Variants in DHRS4L2 observed in about 807,000 individuals in gnomAD.
The protein encoded by DHRS4L2 is dehydrogenase/reductase 4 like 2.
A neutral mutation model predicts 23.9 loss-of-function variants in DHRS4L2; 22 were observed. The ratio of observed to expected loss-of-function variants is 0.92; its 90% CI spans 0.66 to 1.31. The LOEUF is 1.31. Among genes scored for constraint, DHRS4L2 ranks in the 40% most tolerant of loss-of-function variants. The pLI, the probability that DHRS4L2 is intolerant of heterozygous loss-of-function variation, is 0.00. For missense variants in DHRS4L2, 385 were observed against 303.3 expected (o/e 1.27, Z -2.00); for synonymous variants, 141 against 123.7 (o/e 1.14, Z -0.93).
At chr14:23,971,215 A>G (rs779047186) in intron 1 of DHRS4L2, among the ~76,000 whole-genome samples, 1 of 152,058 alleles carries the variant, frequency 6.6e-6, no homozygotes, top group African/African-American at 2.4e-5. Context: ...AGCTAAAGGA[A>G]CATGTTCTAA....
intron 3 of DHRS4L2, among the ~76,000 whole-genome samples, chr14:23,999,010 T>C (rs568677101): frequency 1.3e-5 from 2 of 149,720 alleles, no homozygotes; most frequent in East Asian, 3.9e-4. Context: ...ATTGTAGGGT[T>C]AATAGTTGGC....
rs754193813 is a variant in DHRS4L2, at chr14:23,990,244, G to A, written c.191G>A (p.Arg64Gln). Reference sequence around the variant, plus strand: ...AGGGCCCACGTGGTCGTCAGCAGCCGGAAGCAGCAGAATGTGGACCAGGCG... The same window carrying A: ...AGGGCCCACGTGGTCGTCAGCAGCCAGAAGCAGCAGAATGTGGACCAGGCG... ...QDRAHVVVSS[R>Q]KQQNVDQAVA... The change falls in exon 2 of 8, where the codon CGG becomes CAG. Residue 64 changes from arginine to glutamine, a missense_variant. By Grantham distance (43) the Arg-to-Gln change is conservative. Transcript: ENST00000335125. 6.8e-6 allele frequency: 11 copies of A among 1,612,728 alleles called. 1 individual carries two copies. The highest frequency in any genetic ancestry group is 2.2e-5 in the East Asian group (1 of 44,886).
At chr14:23,988,360 G>A (rs1186412073), upstream of DHRS4L2, among the ~76,000 whole-genome samples, 10 of 148,118 alleles carry the variant, frequency 6.8e-5, 2 homozygotes, top group Admixed American at 6.9e-4. Flanking sequence ...GGCCCGTGAA[G>A]ATGGAAGAGA....
chr14:24,001,589 A>G (rs1358189786), intron 6 of DHRS4L2, 72 bp downstream of exon 6: 1 of 1,565,952 alleles, frequency 6.4e-7, no homozygotes, highest in Non-Finnish European at 8.6e-7. Flanking sequence ...AGGGAAGCCC[A>G]CTACCTGAGT....
At position 24,006,109 on chromosome 14, in the gene DHRS4L2, C is replaced by A. The variant is rs75949238; in HGVS notation, c.*246C>A. ...CTGCTCACCTTACTGTTCACCTCAT[C>A]AAATCAGTTCTGCCCTGTGAAAAGA... On this transcript the variant is annotated 3_prime_UTR_variant, in exon 8 of 8. Coordinates refer to ENST00000335125, the MANE Select transcript of DHRS4L2 (RefSeq NM_198083.4). The A allele has an allele frequency of 0.068, 89,699 of 1,323,354 alleles. 5,562 individuals are homozygous for A. Among genetic ancestry groups the A allele is most frequent in the African/African-American group, 0.32 (20,819 of 64,500 alleles). 82.0% of individuals were successfully genotyped at this position (1,323,354 alleles called of 1,614,324 possible).
chr14:23,992,684 C>G (rs1212158769), intron 2 of DHRS4L2, among the ~76,000 whole-genome samples: 2 of 151,330 alleles, frequency 1.3e-5, no homozygotes, highest in Non-Finnish European at 2.9e-5. Context: ...ACTTAGAAGA[C>G]TTTCTTTTAT....
chr14:23,981,085 A>G (rs566153102), intron 1 of DHRS4L2, among the ~76,000 whole-genome samples: 1 of 151,798 alleles, frequency 6.6e-6, no homozygotes, highest in Non-Finnish European at 1.5e-5. Context: ...AATCTCCTTA[A>G]GCTGATAAGC....
intron 1 of DHRS4L2, among the ~76,000 whole-genome samples, chr14:23,982,334 A>T (rs2034069804): frequency 6.6e-6 from 1 of 151,666 alleles, no homozygotes; most frequent in Non-Finnish European, 1.5e-5. Context: ...CATAAAACAC[A>T]TGTTTCTGTG....
chr14:23,993,832 T>A (rs1485707693), intron 2 of DHRS4L2, among the ~76,000 whole-genome samples: 1 of 151,676 alleles, frequency 6.6e-6, no homozygotes, highest in Non-Finnish European at 1.5e-5. Flanking sequence ...ATGGCTCTCC[T>A]GGGCAGCTGG....
intron 6 of DHRS4L2, among the ~76,000 whole-genome samples, chr14:24,002,276 CCAA>C (rs2034507303): frequency 1.8e-5 from 1 of 55,260 alleles, no homozygotes. Flanking sequence ...ATGATGGTTT[CCAA>C]TTTCATCCAT....
At chr14:23,994,127 TC>T (rs1166039076) in intron 2 of DHRS4L2, among the ~76,000 whole-genome samples, 3 of 151,804 alleles carry the variant, frequency 2.0e-5, no homozygotes, top group Non-Finnish European at 4.4e-5. Flanking sequence ...AGGGTAACTT[TC>T]TTCAGCTCTA....
At chr14:23,993,124 G>T (rs141660032) in intron 2 of DHRS4L2, among the ~76,000 whole-genome samples, 2 of 150,372 alleles carry the variant, frequency 1.3e-5, no homozygotes, top group Admixed American at 6.6e-5. Flanking sequence ...GCAATCCATT[G>T]TCTCCTCCCA....
rs571279604 is a variant in DHRS4L2, at chr14:23,994,698, A to T, written c.307-334A>T. On this transcript the variant is annotated intron_variant, in intron 2 of 7. Transcript: ENST00000335125. The stretch of plus-strand genomic sequence containing the variant: ...GCAAGACTCCATCTAAAAAAGAAAG[A>T]AGCCAACCTTAAATGGTTAGCGGCA... 3.9e-5 allele frequency among the ~76,000 whole-genome samples: 6 copies of T among 151,934 alleles called. No individual in the cohort carries two copies. In the East Asian group the frequency reaches 1.2e-3, roughly 29 times the overall value.
intron 1 of DHRS4L2, among the ~76,000 whole-genome samples, chr14:23,976,928 G>A (rs146996315): frequency 2.0e-5 from 3 of 151,502 alleles, no homozygotes; most frequent in African/African-American, 7.3e-5. Flanking sequence ...AACAGAGAGG[G>A]GATCATCACA....
intron 2 of DHRS4L2, 45 bp downstream of exon 2, chr14:23,990,404 A>T: frequency 6.4e-7 from 1 of 1,570,052 alleles, no homozygotes; most frequent in Non-Finnish European, 8.6e-7. Flanking sequence ...GTGGAAAAGG[A>T]AGCCAGCCTG....
rs552758177 is a variant in DHRS4L2, at chr14:23,989,258, GC to G, written c.128+186del. On this transcript the variant is annotated intron_variant, in intron 1 of 7. Transcript: ENST00000335125. ...CGAATACCCTGGCCCTCCCTTGCCAGCCCTTCTGTCCCTGCTGCCTCTGGCA... is the reference window on the plus strand; with the variant it reads ...CGAATACCCTGGCCCTCCCTTGCCAGCCTTCTGTCCCTGCTGCCTCTGGCA... Among the ~76,000 whole-genome samples, 6 of 149,024 alleles carry G rather than the reference GC, an allele frequency of 4.0e-5. No homozygotes were observed. The South Asian group carries it at 8.6e-4, about 21-fold the overall frequency.
upstream of DHRS4L2, chr14:23,987,324 T>A (rs377078340): frequency 1.9e-3 from 491 of 263,206 alleles, 19 homozygotes; most frequent in South Asian, 0.013. Flanking sequence ...TAGGGACGAG[T>A]TTCACCGTGT....
At chr14:23,990,060 C>T (rs1399948903) in intron 1 of DHRS4L2, 122 bp from the exon 2 acceptor site, 15 of 1,463,448 alleles carry the variant, frequency 1.0e-5, no homozygotes, top group African/African-American at 7.1e-5. Context: ...AGTAGGCACA[C>T]GTAGGAGTTA....
At chr14:23,988,799 G>A (rs930359483), upstream of DHRS4L2, 9 of 1,401,654 alleles carry the variant, frequency 6.4e-6, no homozygotes, top group African/African-American at 1.0e-4. Context: ...GGCGGGCGGC[G>A]GGAGGCGCCA....
Sources: allele counts gnomAD v4.1 joint callset (sites outside exome capture counted in the v4.1 genomes callset), GRCh38; gene constraint gnomAD v4.1.1; transcripts MANE v1.5; gene names NCBI Gene and HGNC (gene_info 2026-07-23, HGNC 2026-07-21).